The following MSRA variants were observed in gnomAD, a reference collection of about 807,000 sequenced individuals.
The protein encoded by MSRA is methionine sulfoxide reductase A, also known as mitochondrial peptide methionine sulfoxide reductase.
A neutral mutation model predicts 31.3 loss-of-function variants in MSRA; 54 were observed. The observed-to-expected ratio is 1.73, with a 90% CI of 1.39 to 2.17. The LOEUF is 2.17. MSRA is among the 30% of genes most tolerant of loss of function. The pLI is 0.00. For missense variants in MSRA, 507 were observed against 300.9 expected (o/e 1.69, Z -5.07); for synonymous variants, 169 against 116.5 (o/e 1.45, Z -2.90).
At chr8:10,395,209 A>G (rs1044653013) in intron 5 of MSRA, among the ~76,000 whole-genome samples, 3 of 152,108 alleles carry the variant, frequency 2.0e-5, no homozygotes, top group African/African-American at 7.2e-5. Flanking sequence ...TGTGCTTTGA[A>G]AGATGTGTAG....
At chr8:10,412,762 G>A (rs895858235) in intron 5 of MSRA, among the ~76,000 whole-genome samples, 6 of 152,192 alleles carry the variant, frequency 3.9e-5, no homozygotes, top group Non-Finnish European at 5.9e-5. Flanking sequence ...TGACAGCCAC[G>A]TTGTGATGCT....
chr8:10,060,267 A>G (rs1461993830), intron 1 of MSRA, among the ~76,000 whole-genome samples: 1 of 152,210 alleles, frequency 6.6e-6, no homozygotes, highest in African/African-American at 2.4e-5. Flanking sequence ...CACAATGGAT[A>G]TGCAGCTGTA....
At chr8:10,413,655 A>G (rs1808287445) in intron 5 of MSRA, among the ~76,000 whole-genome samples, 1 of 71,294 alleles carries the variant, frequency 1.4e-5, no homozygotes, top group Admixed American at 1.9e-4. Flanking sequence ...GTAAGGAGAG[A>G]GATATTAAAA....
chr8:10,104,339 G>C (rs576856697), intron 1 of MSRA, among the ~76,000 whole-genome samples: 3 of 152,210 alleles, frequency 2.0e-5, no homozygotes, highest in Non-Finnish European at 4.4e-5. Context: ...CCAAGGTTAA[G>C]GATGCATCTG....
intron 1 of MSRA, among the ~76,000 whole-genome samples, chr8:10,193,008 A>G (rs1807647797): frequency 1.3e-5 from 2 of 152,244 alleles, no homozygotes; most frequent in South Asian, 4.1e-4. Context: ...ATTTTGAGCT[A>G]TAAGCCTTTT....
chr8:10,221,105 T>TGG (rs1563234161), intron 2 of MSRA, among the ~76,000 whole-genome samples: 1 of 152,184 alleles, frequency 6.6e-6, no homozygotes, highest in East Asian at 1.9e-4. Flanking sequence ...GGAGTCTGTG[T>TGG]GGGGCTCTGC....
chr8:10,348,278 G>A lies in MSRA; in HGVS notation c.543+28289G>A, dbSNP rs576915390. ...GAATCCGTGCTAGGGCCTTCTCCGC[G>A]GAGATTTTTTTTTCTTGAGGCCTAC... On this transcript the variant is annotated intron_variant, in intron 5 of 5. Transcript: ENST00000317173. Among the ~76,000 whole-genome samples, 7 of 151,688 alleles carry A rather than the reference G, an allele frequency of 4.6e-5. No individual in the cohort carries two copies. In the South Asian group the frequency reaches 6.3e-4, roughly 14 times the overall value.
chr8:10,283,129 TACACACACACAC>T (rs66507479), intron 3 of MSRA, among the ~76,000 whole-genome samples: 20 of 138,486 alleles, frequency 1.4e-4, no homozygotes, highest in African/African-American at 5.5e-4. Flanking sequence ...ATATTCACAT[TACACACACACAC>T]ACACACACAC....
intron 1 of MSRA, among the ~76,000 whole-genome samples, chr8:10,056,080 G>T (rs1159822224): frequency 6.6e-6 from 1 of 151,198 alleles, no homozygotes; most frequent in Non-Finnish European, 1.5e-5. Context: ...TTCTTTTACA[G>T]GCAGGAATTT....
chr8:10,127,113 T>C (rs1299509902), intron 1 of MSRA, among the ~76,000 whole-genome samples: 2 of 152,334 alleles, frequency 1.3e-5, no homozygotes, highest in African/African-American at 4.8e-5. Context: ...TTCTTAGTCC[T>C]TCTTGCAAAC....
intron 1 of MSRA, among the ~76,000 whole-genome samples, chr8:10,129,312 AG>A (rs750845898): frequency 3.3e-5 from 5 of 152,214 alleles, no homozygotes; most frequent in Non-Finnish European, 7.3e-5. Context: ...CTCGGGCTTC[AG>A]GGTGAAAACC....
At chr8:10,224,044 TG>T (rs1161427668) in intron 2 of MSRA, among the ~76,000 whole-genome samples, 4 of 152,150 alleles carry the variant, frequency 2.6e-5, no homozygotes, top group African/African-American at 9.7e-5. Flanking sequence ...GATCATCATT[TG>T]TTCAATGGAG....
intron 1 of MSRA, among the ~76,000 whole-genome samples, chr8:10,201,173 C>G (rs1286991199): frequency 6.6e-6 from 1 of 151,966 alleles, no homozygotes; most frequent in African/African-American, 2.4e-5. Flanking sequence ...TTACTCCAGC[C>G]CCACCGTGAC....
intron 1 of MSRA, among the ~76,000 whole-genome samples, chr8:10,119,634 A>G (rs934618177): frequency 6.6e-6 from 1 of 152,248 alleles, no homozygotes; most frequent in Non-Finnish European, 1.5e-5. Context: ...AAAAGACACA[A>G]GCATTGAGTG....
chr8:10,346,696 C>T (rs1389929613), intron 5 of MSRA, among the ~76,000 whole-genome samples: 1 of 152,186 alleles, frequency 6.6e-6, no homozygotes, highest in African/African-American at 2.4e-5. Context: ...TGCGGGGAAT[C>T]TTGTGTAATA....
At chr8:10,367,079 A>G (rs1187079513) in intron 5 of MSRA, among the ~76,000 whole-genome samples, 1 of 152,200 alleles carries the variant, frequency 6.6e-6, no homozygotes, top group East Asian at 1.9e-4. Flanking sequence ...TTTAAATTGC[A>G]TGCCGTTCTG....
chr8:10,206,621 G>C (rs1809002344), intron 1 of MSRA, among the ~76,000 whole-genome samples: 1 of 152,146 alleles, frequency 6.6e-6, no homozygotes, highest in African/African-American at 2.4e-5. Context: ...TCTGGCCCGG[G>C]AAGATGACTC....
At chr8:10,159,925 T>A (rs1804491369) in intron 1 of MSRA, among the ~76,000 whole-genome samples, 1 of 152,218 alleles carries the variant, frequency 6.6e-6, no homozygotes, top group Admixed American at 6.5e-5. Flanking sequence ...GTCTGTTAAG[T>A]TAGGAAGAAA....
intron 5 of MSRA, among the ~76,000 whole-genome samples, chr8:10,407,637 G>A (rs947711651): frequency 1.3e-5 from 2 of 152,158 alleles, no homozygotes; most frequent in Admixed American, 1.3e-4. Flanking sequence ...TGCACGGGGT[G>A]CGTTTGAATT....
Sources: gnomAD v4.1 joint callset for allele counts (sites outside exome capture counted in the v4.1 genomes callset) on GRCh38, gnomAD v4.1.1 for gene constraint, MANE v1.5 for transcripts, NCBI Gene and HGNC (gene_info 2026-07-23, HGNC 2026-07-21) for gene names.